Variants in SNTG1 observed in about 807,000 individuals in gnomAD.
SNTG1 encodes syntrophin gamma 1.
Under a neutral mutation model 74.7 loss-of-function variants are expected in SNTG1, and 39 were observed. The ratio of observed to expected loss-of-function variants is 0.52; its 90% CI spans 0.40 to 0.68. The LOEUF is 0.68. Among genes scored for constraint, SNTG1 ranks in the 30% least tolerant of loss-of-function variants. The probability of loss-of-function intolerance (pLI) is 0.00; values close to 1 mark genes in which losing one functional copy is unlikely to be tolerated. For missense variants in SNTG1, 685 were observed against 609.5 expected (o/e 1.12, Z -1.30); for synonymous variants, 254 against 217.1 (o/e 1.17, Z -1.49).
intron 15 of SNTG1, among the ~76,000 whole-genome samples, chr8:50,690,139 T>C (rs2095371286): frequency 6.6e-6 from 1 of 152,212 alleles, no homozygotes; most frequent in South Asian, 2.1e-4. Flanking sequence ...TCTTCTCTTT[T>C]TTCTTCTTTA....
At position 50,042,778 on chromosome 8, in the gene SNTG1, G is replaced by C. The variant is rs1038712449; in HGVS notation, c.-102-129783G>C. Among the ~76,000 whole-genome samples, 5 of 151,272 alleles carry C rather than the reference G, an allele frequency of 3.3e-5. 1 individual carries two copies. The highest frequency in any genetic ancestry group is 3.3e-4 in the Admixed American group (5 of 15,168). On this transcript the variant is annotated intron_variant, in intron 1 of 18. Transcript: ENST00000642720. ...AGGTCTTGCATTGTTCCCCAGACTA[G>C]TCTAAATTCTTGGATTCCAGTGTTG...
intron 15 of SNTG1, among the ~76,000 whole-genome samples, chr8:50,691,238 G>A (rs2095377536): frequency 1.3e-5 from 2 of 152,084 alleles, no homozygotes; most frequent in Admixed American, 6.6e-5. Context: ...GGAGCATTTA[G>A]CCCATTTACA....
At chr8:50,576,830 T>C (rs2094579439) in intron 12 of SNTG1, among the ~76,000 whole-genome samples, 1 of 152,172 alleles carries the variant, frequency 6.6e-6, no homozygotes, top group Admixed American at 6.5e-5. Flanking sequence ...TTTTCTAATT[T>C]ATTAATTATA....
intron 17 of SNTG1, among the ~76,000 whole-genome samples, chr8:50,740,537 G>T (rs1428568258): frequency 6.6e-6 from 1 of 152,062 alleles, no homozygotes; most frequent in Non-Finnish European, 1.5e-5. Context: ...TTACCTGGTT[G>T]GTGGGAGTAT....
chr8:50,134,042 G>A (rs2081394724), intron 1 of SNTG1, among the ~76,000 whole-genome samples: 1 of 152,156 alleles, frequency 6.6e-6, no homozygotes, highest in Non-Finnish European at 1.5e-5. Flanking sequence ...ATTAGTTAAG[G>A]CCAATACATA....
At position 50,536,714 on chromosome 8, in the gene SNTG1, G is replaced by C; in HGVS notation, c.586G>C (p.Gly196Arg). The C allele has an allele frequency of 6.2e-7, 1 of 1,613,994 alleles. No homozygotes were observed. Among genetic ancestry groups the C allele is most frequent in the Non-Finnish European group, 8.5e-7 (1 of 1,179,862 alleles). The part of the protein sequence containing the change: ...LSCSSWPTSP[G>R]LRWEKRWCDL... ...ATGCTCGTCGTGGCCGACGTCTCCAGGCTTGAGGTGGGAGAAGCGATGGTG... is the reference window on the plus strand; with the variant it reads ...ATGCTCGTCGTGGCCGACGTCTCCACGCTTGAGGTGGGAGAAGCGATGGTG... Residue 196 changes from glycine (G) to arginine (R), a missense_variant, in exon 11 of 19, where the codon GGC (glycine) becomes CGC (arginine). Physicochemically the swap from Gly to Arg is moderately radical, Grantham distance 125. Transcript: ENST00000642720.
intron 1 of SNTG1, among the ~76,000 whole-genome samples, chr8:49,984,860 T>C (rs570276125): frequency 9.2e-5 from 14 of 152,254 alleles, no homozygotes; most frequent in African/African-American, 3.1e-4. Context: ...AGGTGTGTCA[T>C]GGAAAGTAAG....
chr8:50,187,881 A>G (rs1234439869), intron 2 of SNTG1, among the ~76,000 whole-genome samples: 1 of 152,204 alleles, frequency 6.6e-6, no homozygotes, highest in Non-Finnish European at 1.5e-5. Context: ...ACAACCAGGC[A>G]GCTGGCTGAT....
At chr8:49,926,014 G>C (rs1001864560) in intron 1 of SNTG1, among the ~76,000 whole-genome samples, 2 of 152,180 alleles carry the variant, frequency 1.3e-5, no homozygotes, top group Admixed American at 1.3e-4. Flanking sequence ...CCAGGTACTA[G>C]AGAATGACTT....
chr8:50,592,712 T>C (rs1386634068), intron 13 of SNTG1, among the ~76,000 whole-genome samples: 1 of 152,246 alleles, frequency 6.6e-6, no homozygotes, highest in Non-Finnish European at 1.5e-5. Flanking sequence ...TTATTCATTA[T>C]ATAATAATTT....
chr8:50,707,051 G>A lies in SNTG1; in HGVS notation c.1192-1835G>A, dbSNP rs78528602. On this transcript the variant is annotated intron_variant, in intron 16 of 18. Transcript: ENST00000642720. ...TCAATATTAAACATATTAACTATAC[G>A]CATGATATGCTATTAATATTATAAA... 2.5e-3 allele frequency among the ~76,000 whole-genome samples: 379 copies of A among 151,762 alleles called. 2 individuals carry two copies. Among genetic ancestry groups the A allele is most frequent in the Non-Finnish European group, 4.5e-3 (304 of 67,824 alleles).
At chr8:50,106,953 T>A (rs1348940413) in intron 1 of SNTG1, among the ~76,000 whole-genome samples, 1 of 152,170 alleles carries the variant, frequency 6.6e-6, no homozygotes, top group East Asian at 1.9e-4. Context: ...GCTGATTAAC[T>A]CTTGTTCCTA....
chr8:50,608,089 A>C (rs2094825620), intron 13 of SNTG1, among the ~76,000 whole-genome samples: 1 of 151,660 alleles, frequency 6.6e-6, no homozygotes, highest in Non-Finnish European at 1.5e-5. Context: ...CGTGATTACA[A>C]ATCTTTCAAT....
chr8:50,335,958 T>C (rs969982192), intron 2 of SNTG1, among the ~76,000 whole-genome samples: 1 of 152,014 alleles, frequency 6.6e-6, no homozygotes, highest in Non-Finnish European at 1.5e-5. Context: ...ATCACAAAAT[T>C]CCAGTGCCTT....
intron 4 of SNTG1, among the ~76,000 whole-genome samples, chr8:50,404,198 C>G (rs1332356830): frequency 6.6e-6 from 1 of 152,050 alleles, no homozygotes; most frequent in Non-Finnish European, 1.5e-5. Context: ...AGACAATACA[C>G]TCAGGAACAT....
chr8:50,185,352 A>G (rs1350865805), intron 2 of SNTG1, among the ~76,000 whole-genome samples: 1 of 152,222 alleles, frequency 6.6e-6, no homozygotes, highest in African/African-American at 2.4e-5. Flanking sequence ...TTCCGCAGCC[A>G]TATGGAACTG....
At position 50,314,514 on chromosome 8, in the gene SNTG1, G is replaced by A. The variant is rs571979032; in HGVS notation, c.-27-79698G>A. On this transcript the variant is annotated intron_variant, in intron 2 of 18. Coordinates refer to ENST00000642720, the MANE Select transcript of SNTG1 (RefSeq NM_018967.5). ...GAGTGCCTGACGGAGATGATTTTCA[G>A]TGAAAGACTTTGAGAGCCTTATTAG... Among the ~76,000 whole-genome samples, 28 of 149,744 alleles carry A rather than the reference G, an allele frequency of 1.9e-4. 6 individuals are homozygous for A. The highest frequency in any genetic ancestry group is 6.7e-4 in the African/African-American group (27 of 40,204).
chr8:50,362,725 G>T (rs2091994547), intron 2 of SNTG1, among the ~76,000 whole-genome samples: 1 of 152,128 alleles, frequency 6.6e-6, no homozygotes, highest in Non-Finnish European at 1.5e-5. Context: ...AGAGTCTTAT[G>T]TATAGCAGGT....
At chr8:50,032,458 T>C (rs543268425) in intron 1 of SNTG1, among the ~76,000 whole-genome samples, 62 of 152,266 alleles carry the variant, frequency 4.1e-4, no homozygotes, top group African/African-American at 1.4e-3. Flanking sequence ...ACTCATGGTC[T>C]AAAGTTTTCT....
Sources: allele counts gnomAD v4.1 joint callset (sites outside exome capture counted in the v4.1 genomes callset), GRCh38; gene constraint gnomAD v4.1.1; transcripts MANE v1.5; gene names NCBI Gene and HGNC (gene_info 2026-07-23, HGNC 2026-07-21).